The following HMCN2 variants were observed in gnomAD, a reference collection of about 807,000 sequenced individuals.
The protein encoded by HMCN2 is hemicentin-2.
A neutral mutation model predicts 377.5 loss-of-function variants in HMCN2; 325 were observed. That is an observed-to-expected ratio of 0.86 (90% CI 0.79 to 0.94). HMCN2 has a LOEUF of 0.94. Ranked by LOEUF, HMCN2 falls within the 40% of genes least tolerant of loss-of-function variation. HMCN2 has a pLI of 0.00. For missense variants in HMCN2, 4,543 were observed against 4,725.3 expected, an observed-to-expected ratio of 0.96 and a Z score of 1.13; for synonymous variants, 2,007 against 2,046.8, an observed-to-expected ratio of 0.98 and a Z score of 0.53.
Position 130,307,687 on chromosome 9 carries a change from C to T in HMCN2, c.2200+121C>T, listed in dbSNP as rs78346922. ...GCTGGAAGGTTCTGCTCCCCGCCGC[C>T]CTGACCCCCAGCCAGTGTCAGAGCT... On this transcript the variant is annotated intron_variant, in intron 14 of 97. Transcript: ENST00000683500. 8.0e-3 allele frequency: 3,465 copies of T among 432,142 alleles called. 94 individuals are homozygous for T. Among genetic ancestry groups the T allele is most frequent in the African/African-American group, 0.063 (3,120 of 49,614 alleles). 26.8% of individuals were successfully genotyped at this position (432,142 alleles called of 1,614,324 possible).
chr9:130,280,151 T>G (rs1362884589), intron 1 of HMCN2, among the ~76,000 whole-genome samples: 2 of 45,582 alleles, frequency 4.4e-5, no homozygotes, highest in Non-Finnish European at 7.2e-5. Flanking sequence ...TGTGTGTGTG[T>G]TTTTTTTTTT....
At chr9:130,397,255 T>C (rs1477318774) in intron 73 of HMCN2, among the ~76,000 whole-genome samples, 1 of 152,134 alleles carries the variant, frequency 6.6e-6, no homozygotes, top group East Asian at 1.9e-4. Flanking sequence ...CTTACGTTTT[T>C]AAAACCATCA....
In HMCN2 at chr9:130,308,838, AC is replaced by A. The variant is rs1554937817; in HGVS notation, c.2201-1073del. On this transcript the variant is annotated intron_variant, in intron 14 of 97. Coordinates refer to ENST00000683500, the MANE Select transcript of HMCN2 (RefSeq NM_001291815.2). The surrounding 1 kb of genome is among the most constrained non-coding windows in gnomAD (Gnocchi z 4.1). ...CGCTATTCTAGGTGAAGTCAGCCAG[AC>A]ACAAAAAGACAAATACTCTCTGATC... Among the ~76,000 whole-genome samples the A allele has an allele frequency of 6.6e-6, 1 of 152,268 alleles. No individual in the cohort carries two copies. Among genetic ancestry groups the A allele is most frequent in the South Asian group, 2.1e-4 (1 of 4,832 alleles).
rs985365048 is a variant in HMCN2 at position 130,361,457 on chromosome 9, G to A, written c.5951-551G>A. ...CTGAGAAGAGGGCCAGGATGGTGCT[G>A]GTGGCCATATGGAGGCTGGACCTCT... On this transcript the variant is annotated intron_variant, in intron 38 of 97. Transcript: ENST00000683500. This position sits in a 1 kb window ranked among gnomAD's most constrained non-coding sequence, Gnocchi z 4.8. 6.6e-6 allele frequency among the ~76,000 whole-genome samples: 1 copy of A among 152,190 alleles called. No homozygotes were observed. Among genetic ancestry groups the A allele is most frequent in the Non-Finnish European group, 1.5e-5 (1 of 68,034 alleles).
chr9:130,268,147 T>C (rs1191230965), intron 1 of HMCN2, among the ~76,000 whole-genome samples: 1 of 152,088 alleles, frequency 6.6e-6, no homozygotes, highest in Admixed American at 6.5e-5. Flanking sequence ...AGATGTCGTG[T>C]CCTGAAGCCC....
intron 43 of HMCN2, among the ~76,000 whole-genome samples, chr9:130,366,668 G>A (rs1840705200): frequency 6.6e-6 from 1 of 151,858 alleles, no homozygotes; most frequent in Non-Finnish European, 1.5e-5. Context: ...TGGCCAGGCT[G>A]GTCTCGAACT....
intron 15 of HMCN2, among the ~76,000 whole-genome samples, chr9:130,310,789 G>A (rs1393854636): frequency 1.3e-5 from 2 of 152,090 alleles, no homozygotes; most frequent in South Asian, 2.1e-4. Flanking sequence ...TTCCAGTCTC[G>A]TCTCTGTCCC....
Position 130,431,375 on chromosome 9 carries a change from G to C in HMCN2, c.14656G>C (p.Glu4886Gln). ...CCCCATGCCCGGGCCAGACCTTGAC[G>C]AGTGCCGCGTGAGGAACCTGTGTCA... ...RQNGVCTDLD[E>Q]CRVRNLCQHA... Residue 4886 changes from glutamate to glutamine, a missense_variant, in exon 96 of 98, where the codon GAG becomes CAG. Glu to Gln is a conservative substitution (Grantham distance 29). This residue lies in a region of HMCN2 where 1,155 missense variants were observed against 1,157.7 expected (regional missense o/e 1.00). Coordinates refer to ENST00000683500, the MANE Select transcript of HMCN2 (RefSeq NM_001291815.2). 1 of 1,549,676 alleles carries C rather than the reference G, an allele frequency of 6.5e-7. No homozygotes were observed. Among genetic ancestry groups the C allele is most frequent in the Non-Finnish European group, 8.7e-7 (1 of 1,146,682 alleles).
At chr9:130,298,021 C>G (rs1836262192) in intron 7 of HMCN2, among the ~76,000 whole-genome samples, 1 of 152,176 alleles carries the variant, frequency 6.6e-6, no homozygotes, top group South Asian at 2.1e-4. Flanking sequence ...GTGGTGCGAT[C>G]TCTGCTCACT....
In HMCN2 at chr9:130,380,443, A is replaced by G. The variant is rs569780349; in HGVS notation, c.8431+976A>G. Among the ~76,000 whole-genome samples, 8 of 152,210 alleles carry G rather than the reference A, an allele frequency of 5.3e-5. No homozygotes were observed. The South Asian group carries it at 1.5e-3, about 28-fold the overall frequency. ...TTTGGGGAGAAGTGGTCAGTTGCAC[A>G]GGTCTCCAATGAGCAGAATCAGACC... On this transcript the variant is annotated intron_variant, in intron 54 of 97. Coordinates refer to ENST00000683500, the MANE Select transcript of HMCN2 (RefSeq NM_001291815.2).
chr9:130,311,393 G>A (rs1209336530), intron 15 of HMCN2, among the ~76,000 whole-genome samples: 1 of 152,160 alleles, frequency 6.6e-6, no homozygotes, highest in Non-Finnish European at 1.5e-5. Context: ...CTTAGCCTTC[G>A]TTCACTTGTT....
intron 15 of HMCN2, among the ~76,000 whole-genome samples, chr9:130,311,840 C>G (rs1342619534): frequency 6.6e-6 from 1 of 152,054 alleles, no homozygotes; most frequent in Non-Finnish European, 1.5e-5. Context: ...TGGGCTGTGC[C>G]CTGAGGGGGT....
Position 130,422,353 on chromosome 9 carries a change from C to T in HMCN2, c.13232-224C>T, listed in dbSNP as rs149908203. On this transcript the variant is annotated intron_variant, in intron 86 of 97. Coordinates refer to ENST00000683500, the MANE Select transcript of HMCN2 (RefSeq NM_001291815.2). This position sits in a 1 kb window ranked among gnomAD's most constrained non-coding sequence, Gnocchi z 4.2. ...CAGAGCCAGAATTAGAAGCCAGCTCCGCCCTGAGCCCAGGGTTCCTCCTAA... is the reference window on the plus strand; with the variant it reads ...CAGAGCCAGAATTAGAAGCCAGCTCTGCCCTGAGCCCAGGGTTCCTCCTAA... 1.5e-4 allele frequency among the ~76,000 whole-genome samples: 23 copies of T among 152,340 alleles called. No homozygotes were observed. The East Asian group carries it at 4.0e-3, about 27-fold the overall frequency.
chr9:130,306,157 C>T lies in HMCN2; in HGVS notation c.1845C>T (p.Ser615=), dbSNP rs553444707. The T allele has an allele frequency of 4.8e-4, 228 of 471,140 alleles. 2 individuals carry two copies. Among genetic ancestry groups the T allele is most frequent in the African/African-American group, 4.3e-3 (217 of 50,194 alleles). The allele number at this position is 471,140 out of a possible 1,614,324, so 29.2% of individuals were successfully genotyped here. Residue 615 remains serine, a synonymous_variant, in exon 12 of 98, where the codon AGC becomes AGT. Transcript: ENST00000683500. ...REAPQVSIHT[S]SQHFSQGVEV... ...CCCCACAGGTCAGCATCCACACCAG[C>T]TCCCAGCACTTCTCCCAAGGTGTGG...
Position 130,347,033 on chromosome 9 carries a change from G to C in HMCN2, c.3830-133G>C, listed in dbSNP as rs1839428813. The C allele has an allele frequency of 6.6e-6, 1 of 152,318 alleles. No individual in the cohort carries two copies. Among genetic ancestry groups the C allele is most frequent in the Non-Finnish European group, 1.5e-5 (1 of 68,162 alleles). 9.4% of individuals were successfully genotyped at this position (152,318 alleles called of 1,614,324 possible). On this transcript the variant is annotated intron_variant, in intron 25 of 97. Transcript: ENST00000683500. The surrounding 1 kb of genome is among the most constrained non-coding windows in gnomAD (Gnocchi z 5.1). ...AGGGAAATGCTCCTTCCAGCCTCGG[G>C]GGGACGGAGGTGCCTGGAGTCATCG... is the stretch of plus-strand genomic sequence containing the variant.
chr9:130,317,467 ATCTCTCTC>A (rs1177875902), intron 15 of HMCN2, among the ~76,000 whole-genome samples: 5,185 of 123,198 alleles, frequency 0.042, 135 homozygotes, highest in Non-Finnish European at 0.047. Flanking sequence ...AGACCCCACC[ATCTCTCTC>A]TCTCTCTCTC....
rs1840997125 is a variant in HMCN2 at position 130,371,125 on chromosome 9, C to T, written c.7231C>T (p.Leu2411=). ...PVSPGEDTYL[L]AGGWMLKMTQ... is the part of the protein sequence containing the mutation. ...CAGCCCCGGGGAGGACACCTACCTGCTGGCAGGTAAGATACCAGCTAAGGT... is the reference window on the plus strand; with the variant it reads ...CAGCCCCGGGGAGGACACCTACCTGTTGGCAGGTAAGATACCAGCTAAGGT... The change falls in exon 46 of 98, where the codon CTG becomes TTG. Residue 2411 remains leucine, a synonymous_variant. Coordinates refer to ENST00000683500, the MANE Select transcript of HMCN2 (RefSeq NM_001291815.2). The T allele has an allele frequency of 1.0e-6, 1 of 985,870 alleles. No homozygotes were observed. The highest frequency in any genetic ancestry group is 1.2e-6 in the Non-Finnish European group (1 of 829,966). The allele number at this position is 985,870 out of a possible 1,614,324, so 61.1% of individuals were successfully genotyped here.
chr9:130,365,420 C>T (rs948917934), intron 41 of HMCN2, among the ~76,000 whole-genome samples: 2 of 152,214 alleles, frequency 1.3e-5, no homozygotes, highest in African/African-American at 2.4e-5. Flanking sequence ...GGACTGCCAT[C>T]GAGGGGGCCC....
At position 130,395,115 on chromosome 9, in the gene HMCN2, G is replaced by C; in HGVS notation, c.10774+7G>C. 8 of 1,276,004 alleles carry C rather than the reference G, an allele frequency of 6.3e-6. No homozygotes were observed. Among genetic ancestry groups the C allele is most frequent in the Non-Finnish European group, 7.1e-6 (7 of 981,236 alleles). 79.0% of individuals were successfully genotyped at this position (1,276,004 alleles called of 1,614,324 possible). A position where few individuals can be genotyped will look rare whatever the true frequency, so the allele number is the denominator to read the frequency against. On this transcript the variant is annotated splice_region_variant and intron_variant, in intron 70 of 97. Transcript: ENST00000683500. ...TTCCGGGTCAGGGTTCAAGGTAGGTGGTGGGGGTGGGGTGGGGGCAGGGCC... is the reference window on the plus strand; with the variant it reads ...TTCCGGGTCAGGGTTCAAGGTAGGTCGTGGGGGTGGGGTGGGGGCAGGGCC...
Sources: gnomAD v4.1 joint callset for allele counts (sites outside exome capture counted in the v4.1 genomes callset) on GRCh38, gnomAD v4.1.1 for gene constraint, gnomAD v4.1.1 regional missense constraint, Gnocchi (gnomAD v3.1) non-coding constraint, MANE v1.5 for transcripts, NCBI Gene and HGNC (gene_info 2026-07-23, HGNC 2026-07-21) for gene names.